The following MAST4 variants were observed in gnomAD, a reference collection of about 807,000 sequenced individuals.
The protein encoded by MAST4 is microtubule associated serine/threonine kinase family member 4.
A neutral mutation model predicts 162.7 loss-of-function variants in MAST4; 89 were observed. That is an observed-to-expected ratio of 0.55 (90% CI 0.46 to 0.65). MAST4 has a LOEUF of 0.65. Among genes scored for constraint, MAST4 ranks in the 30% least tolerant of loss-of-function variants. The pLI, the probability that MAST4 is intolerant of heterozygous loss-of-function variation, is 0.00. For synonymous variants in MAST4, 1,479 were observed against 1,361.1 expected (o/e 1.09, Z -1.91); for missense variants, 3,153 against 3,374.0 (o/e 0.93, Z 1.62).
intron 19 of MAST4, among the ~76,000 whole-genome samples, chr5:67,137,780 T>C (rs1769856367): frequency 6.6e-6 from 1 of 152,228 alleles, no homozygotes; most frequent in Admixed American, 6.5e-5. Flanking sequence ...CACCTCCATG[T>C]CCACTCATTT....
intron 1 of MAST4, among the ~76,000 whole-genome samples, chr5:66,680,102 C>T (rs908700854): frequency 1.3e-5 from 2 of 152,088 alleles, no homozygotes; most frequent in Admixed American, 6.5e-5. Flanking sequence ...TGGATTGGGC[C>T]TCTGGCCTAA....
intron 4 of MAST4, among the ~76,000 whole-genome samples, chr5:66,911,568 C>A (rs867789975): frequency 6.1e-5 from 5 of 81,738 alleles, no homozygotes; most frequent in African/African-American, 9.6e-5. Context: ...ACCCCCCCCC[C>A]CCCCCCCGCA....
intron 1 of MAST4, among the ~76,000 whole-genome samples, chr5:66,701,399 G>A (rs941838583): frequency 1.3e-5 from 2 of 152,096 alleles, no homozygotes; most frequent in African/African-American, 2.4e-5. Context: ...GTGCATCCCC[G>A]TGTCTCTCCT....
At chr5:66,825,602 T>C (rs1757213474) in intron 3 of MAST4, among the ~76,000 whole-genome samples, 1 of 152,220 alleles carries the variant, frequency 6.6e-6, no homozygotes, top group Admixed American at 6.5e-5. Context: ...TTTTTCTCAG[T>C]TGGTATTTGG....
intron 4 of MAST4, chr5:66,958,974 AT>A: frequency 2.5e-6 from 1 of 398,876 alleles, no homozygotes; most frequent in Non-Finnish European, 4.5e-6. Context: ...AAAAAAAAAA[AT>A]CAGAAACCAA....
intron 5 of MAST4, among the ~76,000 whole-genome samples, chr5:67,080,979 T>TATATATAATTATATATTATATAATATA (rs1561625816): frequency 8.4e-6 from 1 of 119,024 alleles, no homozygotes; most frequent in African/African-American, 3.6e-5. Flanking sequence ...TATTATATAA[T>TATATATAATTATATATTATATAATATA]ATATATAATT....
rs995147166 is a variant in MAST4, at chr5:66,872,422, G to A, written c.643-27529G>A. Among the ~76,000 whole-genome samples the A allele has an allele frequency of 6.6e-5, 10 of 152,134 alleles. No homozygotes were observed. In the South Asian group the frequency reaches 1.5e-3, roughly 22 times the overall value. On this transcript the variant is annotated intron_variant, in intron 3 of 28. Transcript: ENST00000403625. ...TGACCTCAGGTGATCCACCTGCCTC[G>A]GCCTCCCAAAGTACTGGGATTACAG...
At chr5:66,903,887 C>T (rs538967043) in intron 4 of MAST4, among the ~76,000 whole-genome samples, 3 of 152,252 alleles carry the variant, frequency 2.0e-5, no homozygotes, top group East Asian at 1.9e-4. Flanking sequence ...GTGGACCTGC[C>T]GTGTTCTCTT....
At chr5:67,126,463 G>C (rs1768243933) in intron 14 of MAST4, among the ~76,000 whole-genome samples, 1 of 152,140 alleles carries the variant, frequency 6.6e-6, no homozygotes, top group Non-Finnish European at 1.5e-5. Context: ...TTCTGCATAT[G>C]GCTAGCCAGT....
chr5:66,804,837 TAATC>T (rs1018966560), intron 3 of MAST4, among the ~76,000 whole-genome samples: 11 of 152,374 alleles, frequency 7.2e-5, no homozygotes, highest in African/African-American at 1.9e-4. Flanking sequence ...AATTTTTTCT[TAATC>T]AATTTGGTAT....
chr5:66,836,721 C>G lies in MAST4; in HGVS notation c.642+47927C>G, dbSNP rs143650426. 5.9e-3 allele frequency among the ~76,000 whole-genome samples: 905 copies of G among 152,148 alleles called. 9 individuals carry two copies. Among genetic ancestry groups the G allele is most frequent in the African/African-American group, 0.021 (866 of 41,492 alleles). On this transcript the variant is annotated intron_variant, in intron 3 of 28. Coordinates refer to ENST00000403625, the MANE Select transcript of MAST4 (RefSeq NM_001164664.2). ...GAAAACCAAATACTGCATGTTCTCA[C>G]TTTGAAATGGGAGCTAAACACTGAG...
At chr5:66,748,895 AG>A (rs1752958495) in intron 1 of MAST4, among the ~76,000 whole-genome samples, 1 of 151,804 alleles carries the variant, frequency 6.6e-6, no homozygotes, top group Middle Eastern at 3.2e-3. Flanking sequence ...GGTGTGGTCT[AG>A]GACTGTAGAG....
At chr5:67,057,147 G>C (rs1758932318) in intron 5 of MAST4, among the ~76,000 whole-genome samples, 1 of 152,132 alleles carries the variant, frequency 6.6e-6, no homozygotes, top group Non-Finnish European at 1.5e-5. Flanking sequence ...AAAAACATGT[G>C]AATACGATAC....
chr5:66,958,723 C>T (rs1225016784), intron 4 of MAST4: 1 of 153,624 alleles, frequency 6.5e-6, no homozygotes, highest in Non-Finnish European at 1.4e-5. Flanking sequence ...TTCTTGGGGA[C>T]TATGAGTGAT....
intron 4 of MAST4, among the ~76,000 whole-genome samples, chr5:67,044,651 C>A (rs767802997): frequency 9.2e-5 from 14 of 152,086 alleles, no homozygotes; most frequent in Non-Finnish European, 1.5e-4. Context: ...GTAATTGGGA[C>A]TAAGGCACAC....
At chr5:67,029,387 AT>A (rs1391449730) in intron 4 of MAST4, among the ~76,000 whole-genome samples, 1 of 152,166 alleles carries the variant, frequency 6.6e-6, no homozygotes, top group East Asian at 1.9e-4. Context: ...TCCCATAGGC[AT>A]ATATGTTTTG....
chr5:67,099,507 A>C (rs1186858231), intron 7 of MAST4, among the ~76,000 whole-genome samples: 1 of 151,968 alleles, frequency 6.6e-6, no homozygotes, highest in East Asian at 1.9e-4. Flanking sequence ...TTTTTAAAAA[A>C]AATGCTTACT....
At chr5:66,988,962 T>C (rs927860015) in intron 4 of MAST4, among the ~76,000 whole-genome samples, 4 of 152,258 alleles carry the variant, frequency 2.6e-5, no homozygotes, top group African/African-American at 9.6e-5. Context: ...ACCAACTTCA[T>C]TAATTGTTAA....
chr5:67,164,663 C>G lies in MAST4; in HGVS notation c.5484C>G (p.Ser1828Arg). 6.2e-7 allele frequency: 1 copy of G among 1,614,010 alleles called. No individual in the cohort carries two copies. Among genetic ancestry groups the G allele is most frequent in the Non-Finnish European group, 8.5e-7 (1 of 1,179,892 alleles). The change falls in exon 29 of 29, where the codon AGC (serine) becomes AGG (arginine). Residue 1828 changes from serine to arginine, a missense_variant. Transcript: ENST00000403625. The surrounding 1 kb of genome is among the most constrained non-coding windows in gnomAD (Gnocchi z 5.3). Reference sequence around the variant, plus strand: ...TGCCTTCCCCAGAGTCTGCACAGAGCCCCAGCCCAAGTGGTGACGTGAGGG... The same window carrying G: ...TGCCTTCCCCAGAGTCTGCACAGAGGCCCAGCCCAAGTGGTGACGTGAGGG... ...TELPSPESAQ[S>R]PSPSGDVRAS...
Sources: allele counts gnomAD v4.1 joint callset (sites outside exome capture counted in the v4.1 genomes callset), GRCh38; gene constraint gnomAD v4.1.1; non-coding constraint Gnocchi (gnomAD v3.1); transcripts MANE v1.5; gene names NCBI Gene and HGNC (gene_info 2026-07-23, HGNC 2026-07-21).